Variants in FBXO11 observed in about 807,000 individuals in gnomAD.
FBXO11 encodes F-box only protein 11.
FBXO11 carries 13 observed loss-of-function variants against 117.0 expected under a neutral mutation model. That is an observed-to-expected ratio of 0.11 (90% CI 0.07 to 0.18). The LOEUF is 0.18. Among genes scored for constraint, FBXO11 ranks in the 10% least tolerant of loss-of-function variants. The probability of loss-of-function intolerance (pLI) is 1.00; values close to 1 mark genes in which losing one functional copy is unlikely to be tolerated. For synonymous variants in FBXO11, 490 were observed against 380.5 expected, an observed-to-expected ratio of 1.29 and a Z score of -3.35; for missense variants, 767 against 1,164.4, an observed-to-expected ratio of 0.66 and a Z score of 4.97.
Position 47,806,973 on chromosome 2 carries a change from C to A in FBXO11, c.*1145G>T. ...AAATGACCATTTTTCCATTTTCTTT[C>A]TAGGAAATTAAACCCTTTTAATTCT... On this transcript the variant is annotated 3_prime_UTR_variant, in exon 23 of 23. Coordinates refer to ENST00000403359, the MANE Select transcript of FBXO11 (RefSeq NM_001190274.2). 1 of 851,198 alleles carries A rather than the reference C, an allele frequency of 1.2e-6. No homozygotes were observed. Among genetic ancestry groups the A allele is most frequent in the Non-Finnish European group, 1.9e-6 (1 of 519,614 alleles). The allele number at this position is 851,198 out of a possible 1,614,324, so 52.7% of individuals were successfully genotyped here. A position where few individuals can be genotyped will look rare whatever the true frequency, so the allele number is the denominator to read the frequency against.
At chr2:47,896,613 T>C (rs561830511) in intron 1 of FBXO11, among the ~76,000 whole-genome samples, 1 of 152,334 alleles carries the variant, frequency 6.6e-6, no homozygotes, top group East Asian at 1.9e-4. Context: ...ATTACAGGCA[T>C]GAGCCACTAT....
At position 47,879,053 on chromosome 2, in the gene FBXO11, T is replaced by C. The variant is rs1438760077; in HGVS notation, c.232+26436A>G. Among the ~76,000 whole-genome samples the C allele has an allele frequency of 2.6e-5, 4 of 152,322 alleles. No individual in the cohort carries two copies. The South Asian group carries it at 6.2e-4, about 24-fold the overall frequency. On this transcript the variant is annotated intron_variant, in intron 1 of 22. Transcript: ENST00000403359. ...TTTCTCCAGGTAACGCATGTTAAGA[T>C]TTCCTTGTCCATCCTTTCCAAGTTT...
chr2:47,819,172 C>A lies in FBXO11; in HGVS notation c.1798-94G>T, dbSNP rs140250002. The A allele has an allele frequency of 6.0e-4, 814 of 1,355,868 alleles. 3 individuals carry two copies. In the African/African-American group the frequency reaches 0.011, roughly 18 times the overall value. The allele number at this position is 1,355,868 out of a possible 1,614,324, so 84.0% of individuals were successfully genotyped here. ...CTTTATAGACAGTTAAAAAATTTTC[C>A]ATTTTTGTTTTTTCATCCGAGTAAG... On this transcript the variant is annotated intron_variant, in intron 14 of 22. Coordinates refer to ENST00000403359, the MANE Select transcript of FBXO11 (RefSeq NM_001190274.2).
chr2:47,896,811 G>A (rs947731434), intron 1 of FBXO11, among the ~76,000 whole-genome samples: 1 of 152,146 alleles, frequency 6.6e-6, no homozygotes, highest in Non-Finnish European at 1.5e-5. Context: ...GACCTTATAT[G>A]AAATAAAGTG....
intron 1 of FBXO11, among the ~76,000 whole-genome samples, chr2:47,881,263 G>A (rs544748387): frequency 1.3e-5 from 2 of 151,964 alleles, no homozygotes; most frequent in African/African-American, 4.8e-5. Context: ...AAAAAAGAAA[G>A]AAACAAAGAA....
At chr2:47,847,000 T>C (rs1673469866) in intron 1 of FBXO11, among the ~76,000 whole-genome samples, 1 of 152,184 alleles carries the variant, frequency 6.6e-6, no homozygotes, top group Admixed American at 6.5e-5. Flanking sequence ...ATCCCTGCAC[T>C]TTAGGAGGCC....
rs1671518189 is a variant in FBXO11, at chr2:47,823,355, G to A, written c.1404C>T (p.Tyr468=). The A allele has an allele frequency of 6.3e-7, 1 of 1,594,858 alleles. No homozygotes were observed. The highest frequency in any genetic ancestry group is 8.5e-7 in the Non-Finnish European group (1 of 1,170,036). Residue 468 remains tyrosine, a synonymous_variant, in exon 12 of 23, where the codon TAC becomes TAT. Transcript: ENST00000403359. The part of the protein sequence containing the change: ...GVFTFDHGMG[Y]FESCNIHRNR... ...TTCTGTGTATATTGCAACTTTCAAAGTAACCCTGAAAAATACAGAAATTAA... is the reference window on the plus strand; with the variant it reads ...TTCTGTGTATATTGCAACTTTCAAAATAACCCTGAAAAATACAGAAATTAA...
intron 1 of FBXO11, among the ~76,000 whole-genome samples, chr2:47,843,588 T>A (rs1490223423): frequency 2.0e-5 from 3 of 152,236 alleles, no homozygotes; most frequent in African/African-American, 7.2e-5. Context: ...ATGTAATGGC[T>A]TTCTTCATCA....
intron 1 of FBXO11, among the ~76,000 whole-genome samples, chr2:47,872,810 A>G (rs941343282): frequency 6.6e-6 from 1 of 152,192 alleles, no homozygotes; most frequent in Non-Finnish European, 1.5e-5. Context: ...AATATGTAAA[A>G]CTATTCCACT....
intron 18 of FBXO11, 42 bp downstream of exon 18, chr2:47,813,192 G>A (rs1572764617): frequency 1.3e-6 from 2 of 1,586,000 alleles, no homozygotes; most frequent in East Asian, 2.2e-5. Flanking sequence ...GAAGAATAAT[G>A]GAAAACTGGA....
chr2:47,861,961 G>C (rs1357986617), intron 1 of FBXO11, among the ~76,000 whole-genome samples: 1 of 151,252 alleles, frequency 6.6e-6, no homozygotes, highest in Non-Finnish European at 1.5e-5. Flanking sequence ...TGCCCAGGCT[G>C]GAGTGCAGTG....
At chr2:47,831,791 C>T (rs1027012920) in intron 11 of FBXO11, among the ~76,000 whole-genome samples, 1 of 152,050 alleles carries the variant, frequency 6.6e-6, no homozygotes, top group Non-Finnish European at 1.5e-5. Flanking sequence ...CATAAGGATG[C>T]CTAATATTAA....
chr2:47,875,403 T>A (rs573926690), intron 1 of FBXO11, among the ~76,000 whole-genome samples: 33 of 152,212 alleles, frequency 2.2e-4, no homozygotes, highest in African/African-American at 7.7e-4. Context: ...TGAAGTAGGA[T>A]GTAGTATTTG....
intron 11 of FBXO11, among the ~76,000 whole-genome samples, chr2:47,825,143 T>C (rs184681877): frequency 6.6e-6 from 1 of 152,294 alleles, no homozygotes; most frequent in East Asian, 1.9e-4. Flanking sequence ...CTGAATACTC[T>C]AGTATACTAT....
At chr2:47,844,375 G>C (rs1673243784) in intron 1 of FBXO11, among the ~76,000 whole-genome samples, 1 of 152,094 alleles carries the variant, frequency 6.6e-6, no homozygotes, top group Non-Finnish European at 1.5e-5. Flanking sequence ...GTTATTTCAG[G>C]CTCTAGGCCA....
At chr2:47,893,511 T>C (rs1006783535) in intron 1 of FBXO11, among the ~76,000 whole-genome samples, 1 of 152,166 alleles carries the variant, frequency 6.6e-6, no homozygotes, top group African/African-American at 2.4e-5. Flanking sequence ...TGATTTCTAC[T>C]TGTTAGAAGA....
At chr2:47,889,736 G>C (rs144120734) in intron 1 of FBXO11, among the ~76,000 whole-genome samples, 2,925 of 151,632 alleles carry the variant, frequency 0.019, 34 homozygotes, top group Non-Finnish European at 0.03. Flanking sequence ...GTAAACTCAA[G>C]TTTTACGAAA....
chr2:47,808,918 A>G, intron 21 of FBXO11: 1 of 371,222 alleles, frequency 2.7e-6, no homozygotes, highest in Non-Finnish European at 4.8e-6. Flanking sequence ...GCTGGTTTAG[A>G]ACTCCTGGGC....
In FBXO11 at chr2:47,850,476, T is replaced by C. The variant is rs572558456; in HGVS notation, c.233-10707A>G. ...AAGCATAGACTAGCTATCATAGCTA[T>C]CATAATGTACATATGGTACAATACT... On this transcript the variant is annotated intron_variant, in intron 1 of 22. Transcript: ENST00000403359. Among the ~76,000 whole-genome samples, 3 of 152,304 alleles carry C rather than the reference T, an allele frequency of 2.0e-5. No homozygotes were observed. In the East Asian group the frequency reaches 5.8e-4, roughly 29 times the overall value.
Sources: gnomAD v4.1 joint callset for allele counts (sites outside exome capture counted in the v4.1 genomes callset) on GRCh38, gnomAD v4.1.1 for gene constraint, MANE v1.5 for transcripts, NCBI Gene and HGNC (gene_info 2026-07-23, HGNC 2026-07-21) for gene names.